KIFAP3: variants seen among roughly 807,000 people sequenced by gnomAD.
The protein encoded by KIFAP3 is kinesin-associated protein 3.
A neutral mutation model predicts 106.5 loss-of-function variants in KIFAP3; 68 were observed. The ratio of observed to expected loss-of-function variants is 0.64; its 90% CI spans 0.53 to 0.78. The LOEUF is 0.78. Ranked by LOEUF, KIFAP3 falls within the 30% of genes least tolerant of loss-of-function variation. The probability of loss-of-function intolerance (pLI) is 0.00; values close to 1 mark genes in which losing one functional copy is unlikely to be tolerated. For missense variants in KIFAP3, 780 were observed against 941.8 expected (o/e 0.83, Z 2.25); for synonymous variants, 320 against 311.5 (o/e 1.03, Z -0.29).
intron 1 of KIFAP3, among the ~76,000 whole-genome samples, chr1:170,061,559 T>C (rs566152283): frequency 6.6e-5 from 10 of 152,194 alleles, no homozygotes; most frequent in Non-Finnish European, 1.3e-4. Context: ...TTTTACACTG[T>C]TGGTGGGACT....
chr1:169,973,124 A>ATATATATATATATATATATATATAG (rs1361338751), intron 16 of KIFAP3, among the ~76,000 whole-genome samples: 668 of 47,948 alleles, frequency 0.014, 33 homozygotes, highest in South Asian at 0.02. Context: ...TATATATATA[A>ATATATATATATATATATATATATAG]ACAACACAAA....
intron 1 of KIFAP3, among the ~76,000 whole-genome samples, chr1:170,064,718 A>G (rs557331754): frequency 2.0e-5 from 3 of 152,340 alleles, no homozygotes; most frequent in African/African-American, 7.2e-5. Flanking sequence ...TTTTTTCCTT[A>G]AATCATGAAT....
In KIFAP3 at chr1:169,980,606, A is replaced by G. The variant is rs561832529; in HGVS notation, c.1798+1366T>C. Among the ~76,000 whole-genome samples, 4 of 152,338 alleles carry G rather than the reference A, an allele frequency of 2.6e-5. No homozygotes were observed. The South Asian group carries it at 8.3e-4, about 32-fold the overall frequency. ...GACAGCCACATTTCAAGTGTTCTAC[A>G]GCTACATGTGTTGGACACCACATAT... is the stretch of plus-strand genomic sequence containing the variant. On this transcript the variant is annotated intron_variant, in intron 15 of 19. Coordinates refer to ENST00000361580, the MANE Select transcript of KIFAP3 (RefSeq NM_014970.4).
Position 170,035,492 on chromosome 1 carries a change from T to C in KIFAP3, c.579A>G (p.Leu193=), listed in dbSNP as rs771042765. 1 of 1,609,936 alleles carries C rather than the reference T, an allele frequency of 6.2e-7. No homozygotes were observed. The highest frequency in any genetic ancestry group is 8.5e-7 in the Non-Finnish European group (1 of 1,177,870). Residue 193 remains leucine (L), a synonymous_variant, in exon 6 of 20, where the codon TTA becomes TTG. Coordinates refer to ENST00000361580, the MANE Select transcript of KIFAP3 (RefSeq NM_014970.4). The part of the protein sequence containing the change: ...LREDWKQSVE[L]ATNIIYIFFC... ...AAAAGATGTAAATTATGTTTGTAGC[T>C]AACTCGACACTTTGCTTCCAGTCTT...
chr1:170,074,820 G>C (rs1394979384), upstream of KIFAP3: 1 of 1,108,966 alleles, frequency 9.0e-7, no homozygotes, highest in South Asian at 2.3e-5. Flanking sequence ...GTGCAGTTTT[G>C]AGCGTCCGTG....
chr1:169,938,232 C>T (rs74533506), intron 19 of KIFAP3, among the ~76,000 whole-genome samples: 83 of 152,016 alleles, frequency 5.5e-4, no homozygotes, highest in African/African-American at 1.9e-3. Context: ...AAGTACACTA[C>T]GAATCCCTTA....
At chr1:170,025,700 C>T (rs908962356) in intron 8 of KIFAP3, among the ~76,000 whole-genome samples, 9 of 152,150 alleles carry the variant, frequency 5.9e-5, no homozygotes, top group Non-Finnish European at 1.2e-4. Context: ...CCCTACCATA[C>T]AGCTAGAAAG....
chr1:170,004,383 G>C (rs1396711879), intron 10 of KIFAP3, among the ~76,000 whole-genome samples: 4 of 152,090 alleles, frequency 2.6e-5, no homozygotes, highest in African/African-American at 7.2e-5. Flanking sequence ...AGCCAAAAAA[G>C]ACCCCGCATT....
rs1671834094 is a variant in KIFAP3, at chr1:170,074,330, T to C, written c.32+106A>G. The C allele has an allele frequency of 4.1e-6, 5 of 1,225,158 alleles. No homozygotes were observed. In the Admixed American group the frequency reaches 6.7e-5, roughly 16 times the overall value. 75.9% of individuals were successfully genotyped at this position (1,225,158 alleles called of 1,614,324 possible). Reference sequence around the variant, plus strand: ...CGGTGACTTCTCTCCCTGCTTCCCATCCCGTCTGCTAAACTAGCGTTGCCC... The same window carrying C: ...CGGTGACTTCTCTCCCTGCTTCCCACCCCGTCTGCTAAACTAGCGTTGCCC... On this transcript the variant is annotated intron_variant, in intron 1 of 19. Coordinates refer to ENST00000361580, the MANE Select transcript of KIFAP3 (RefSeq NM_014970.4).
At chr1:170,070,600 C>A (rs1419606442) in intron 1 of KIFAP3, among the ~76,000 whole-genome samples, 2 of 151,952 alleles carry the variant, frequency 1.3e-5, no homozygotes, top group Non-Finnish European at 2.9e-5. Context: ...GATGTCAGAA[C>A]AACTAGATAG....
intron 1 of KIFAP3, among the ~76,000 whole-genome samples, chr1:170,057,128 C>A (rs1429740667): frequency 1.3e-5 from 2 of 152,020 alleles, no homozygotes; most frequent in African/African-American, 2.4e-5. Flanking sequence ...AAAAGCAATT[C>A]CAGTACTGGA....
intron 7 of KIFAP3, 197 bp from the exon 8 acceptor site, chr1:170,032,181 C>T: frequency 2.2e-6 from 1 of 463,442 alleles, no homozygotes; most frequent in Non-Finnish European, 3.9e-6. Context: ...CATGGATTCC[C>T]TGGGAGTCTT....
chr1:170,005,305 C>T (rs918220572), intron 10 of KIFAP3, among the ~76,000 whole-genome samples: 19 of 152,164 alleles, frequency 1.2e-4, no homozygotes, highest in African/African-American at 4.1e-4. Context: ...CTGGTGATTC[C>T]TCAGGGATCT....
intron 16 of KIFAP3, among the ~76,000 whole-genome samples, chr1:169,977,572 C>A: frequency 6.6e-6 from 1 of 152,158 alleles, no homozygotes; most frequent in East Asian, 1.9e-4. Flanking sequence ...AAAATTAGGG[C>A]TATTTGATTT....
chr1:170,004,160 G>A (rs1352553202), intron 10 of KIFAP3, among the ~76,000 whole-genome samples: 3 of 151,788 alleles, frequency 2.0e-5, no homozygotes, highest in African/African-American at 7.3e-5. Context: ...GGATGTGAAG[G>A]ACCTCTTCAA....
At chr1:169,925,505 TAAAC>T (rs1048762481) in intron 19 of KIFAP3, among the ~76,000 whole-genome samples, 3 of 151,782 alleles carry the variant, frequency 2.0e-5, no homozygotes, top group African/African-American at 7.3e-5. Context: ...TTTTTTTAAA[TAAAC>T]AAATTTAGAA....
intron 11 of KIFAP3, among the ~76,000 whole-genome samples, chr1:169,987,000 AT>A (rs1666859635): frequency 6.6e-6 from 1 of 152,062 alleles, no homozygotes; most frequent in Non-Finnish European, 1.5e-5. Context: ...ATCGAGCTAA[AT>A]TAGGACTAAA....
chr1:170,023,021 G>T (rs1668929989), intron 9 of KIFAP3, among the ~76,000 whole-genome samples: 1 of 151,988 alleles, frequency 6.6e-6, no homozygotes, highest in Non-Finnish European at 1.5e-5. Context: ...TTAACTTATA[G>T]CAAGGGGAAG....
intron 2 of KIFAP3, among the ~76,000 whole-genome samples, chr1:170,054,081 T>C (rs940194639): frequency 4.6e-5 from 7 of 152,134 alleles, no homozygotes; most frequent in Admixed American, 2.0e-4. Flanking sequence ...AGAAAATTTT[T>C]TGCAATCTAC....
Sources: allele counts gnomAD v4.1 joint callset (sites outside exome capture counted in the v4.1 genomes callset), GRCh38; gene constraint gnomAD v4.1.1; transcripts MANE v1.5; gene names NCBI Gene and HGNC (gene_info 2026-07-23, HGNC 2026-07-21).